KRABD4: variants seen among roughly 807,000 people sequenced by gnomAD.
The protein encoded by KRABD4 is KRAB domain containing 4.
the KRABD4 span, chrX:46,448,233 G>A: frequency 8.9e-6 from 1 of 111,984 alleles, no homozygotes; most frequent in African/African-American, 3.3e-5. Flanking sequence ...ACTGCTCACC[G>A]ACTTCAGACT....
the KRABD4 span, among the ~76,000 whole-genome samples, chrX:46,461,880 T>G: frequency 9.8e-4 from 109 of 111,393 alleles, no homozygotes; most frequent in Non-Finnish European, 1.5e-3. Context: ...CCCGGACCCC[T>G]TCCTACATCT....
At chrX:46,470,750 AAT>A in the KRABD4 span, among the ~76,000 whole-genome samples, 4 of 110,959 alleles carry the variant, frequency 3.6e-5, no homozygotes, top group Admixed American at 2.9e-4. Context: ...TTTAATTCAA[AAT>A]AGTTTCAAAT....
chrX:46,469,330 G>A, the KRABD4 span, among the ~76,000 whole-genome samples: 4 of 112,107 alleles, frequency 3.6e-5, no homozygotes, highest in Non-Finnish European at 5.6e-5. Context: ...TGGTATATCC[G>A]TCTATTTCAG....
the KRABD4 span, chrX:46,473,823 T>C: frequency 7.7e-6 from 1 of 130,217 alleles, no homozygotes; most frequent in South Asian, 2.3e-4. Context: ...CGCAGCTAAT[T>C]TGTATTTTTA....
the KRABD4 span, among the ~76,000 whole-genome samples, chrX:46,453,591 C>A: frequency 6.3e-5 from 7 of 111,472 alleles, no homozygotes; most frequent in African/African-American, 2.3e-4. Flanking sequence ...TAGTTCCAAG[C>A]CCCAGCATGT....
the KRABD4 span, among the ~76,000 whole-genome samples, chrX:46,468,914 A>G: frequency 8.9e-6 from 1 of 112,212 alleles, no homozygotes; most frequent in Non-Finnish European, 1.9e-5. Flanking sequence ...CTTCTTGAGC[A>G]CCAACATGGC....
the KRABD4 span, chrX:46,455,866 A>G: frequency 3.0e-6 from 1 of 334,429 alleles, no homozygotes; most frequent in Non-Finnish European, 5.6e-6. Flanking sequence ...CAAATCAGAT[A>G]ACATATGATG....
the KRABD4 span, among the ~76,000 whole-genome samples, chrX:46,461,214 G>A: frequency 2.6e-3 from 292 of 111,183 alleles, 4 homozygotes; most frequent in South Asian, 0.033. Flanking sequence ...GGGGTTTTCT[G>A]AGCACATTGC....
chrX:46,454,569 C>T, the KRABD4 span, among the ~76,000 whole-genome samples: 33 of 110,803 alleles, frequency 3.0e-4, no homozygotes, highest in Admixed American at 2.9e-3. Context: ...TTTGGGAGGC[C>T]GAGGCAGGCG....
the KRABD4 span, among the ~76,000 whole-genome samples, chrX:46,447,730 G>C: frequency 8.9e-6 from 1 of 112,239 alleles, no homozygotes; most frequent in Non-Finnish European, 1.9e-5. Context: ...TTATTTTCGT[G>C]TTATAGAGAG....
chrX:46,454,679 G>A, the KRABD4 span, among the ~76,000 whole-genome samples: 17 of 110,738 alleles, frequency 1.5e-4, no homozygotes, highest in African/African-American at 5.3e-4. Context: ...GTGCGTGCCT[G>A]TAATCCCAGC....
chrX:46,462,741 A>C, the KRABD4 span: 281 of 1,209,253 alleles, frequency 2.3e-4, no homozygotes, highest in Non-Finnish European at 3.1e-4. Context: ...GGAATGTGCC[A>C]TTACAGGAAT....
chrX:46,466,684 CTA>C, the KRABD4 span, among the ~76,000 whole-genome samples: 2 of 112,378 alleles, frequency 1.8e-5, no homozygotes, highest in Non-Finnish European at 3.8e-5. Flanking sequence ...ACATAATTTT[CTA>C]TATGTGTTTT....
At chrX:46,473,351 G>A in the KRABD4 span, 1 of 1,188,440 alleles carries the variant, frequency 8.4e-7, no homozygotes, top group Non-Finnish European at 1.1e-6. Context: ...TGCAGTGAAT[G>A]TGGAAAAACC....
the KRABD4 span, chrX:46,456,327 TTTA>T: frequency 1.9e-5 from 2 of 107,188 alleles, no homozygotes; most frequent in African/African-American, 3.4e-5. Flanking sequence ...TAAAGTATAA[TTTA>T]TTAATTATTA....
At chrX:46,451,750 C>T in the KRABD4 span, among the ~76,000 whole-genome samples, 1 of 111,674 alleles carries the variant, frequency 9.0e-6, no homozygotes, top group East Asian at 2.8e-4. Context: ...TTTTGTGAAG[C>T]CACTTAACCT....
At chrX:46,453,606 A>G in the KRABD4 span, among the ~76,000 whole-genome samples, 1 of 111,884 alleles carries the variant, frequency 8.9e-6, no homozygotes, top group African/African-American at 3.2e-5. Context: ...GCATGTATCA[A>G]TTGTATGAAT....
chrX:46,462,631 C>G, the KRABD4 span: 1 of 1,172,342 alleles, frequency 8.5e-7, no homozygotes, highest in Non-Finnish European at 1.2e-6. Context: ...ACCTCACGCT[C>G]TTCATCTGTC....
chrX:46,472,547 A>G, the KRABD4 span: 6 of 380,766 alleles, frequency 1.6e-5, no homozygotes, highest in African/African-American at 2.6e-5. Context: ...ATATTAAATT[A>G]TTTTTGTTAA....
Sources: gnomAD v4.1 joint callset for allele counts (sites outside exome capture counted in the v4.1 genomes callset) on GRCh38, gnomAD v4.1.1 for gene constraint, MANE v1.5 for transcripts, NCBI Gene and HGNC (gene_info 2026-07-23, HGNC 2026-07-21) for gene names.